DSCAML1: variants seen among roughly 807,000 people sequenced by gnomAD.
DSCAML1 encodes the protein cell adhesion molecule DSCAML1.
A neutral mutation model predicts 200.5 loss-of-function variants in DSCAML1; 38 were observed. The ratio of observed to expected loss-of-function variants is 0.19; its 90% confidence interval spans 0.15 to 0.25. The LOEUF is 0.25. Ranked by LOEUF, DSCAML1 falls within the 10% of genes least tolerant of loss-of-function variation. DSCAML1 has a pLI of 1.00. For synonymous variants in DSCAML1, 1,215 were observed against 1,165.0 expected (o/e 1.04, Z -0.87); for missense variants, 2,223 against 2,858.8 (o/e 0.78, Z 5.07).
At chr11:117,484,461 A>G (rs1176774557) in intron 11 of DSCAML1, among the ~76,000 whole-genome samples, 1 of 152,230 alleles carries the variant, frequency 6.6e-6, no homozygotes, top group East Asian at 1.9e-4. Flanking sequence ...TCATCAAATA[A>G]TGAAGCAGAT....
chr11:117,618,234 T>G (rs2051853006), intron 3 of DSCAML1, among the ~76,000 whole-genome samples: 1 of 152,244 alleles, frequency 6.6e-6, no homozygotes, highest in Non-Finnish European at 1.5e-5. Context: ...TCCAACATTC[T>G]GCCAGATGGT....
intron 20 of DSCAML1, among the ~76,000 whole-genome samples, chr11:117,448,639 G>GC (rs971267592): frequency 1.2e-5 from 1 of 81,036 alleles, no homozygotes; most frequent in Non-Finnish European, 2.5e-5. Context: ...GTGTGTGTGT[G>GC]GGGGGTGGGT....
intron 3 of DSCAML1, among the ~76,000 whole-genome samples, chr11:117,733,172 C>T (rs2054255570): frequency 6.6e-6 from 1 of 152,014 alleles, no homozygotes; most frequent in South Asian, 2.1e-4. Flanking sequence ...GGGTTGGTGG[C>T]CCTGCACATC....
chr11:117,431,635 G>A lies in DSCAML1; in HGVS notation c.5273C>T (p.Pro1758Leu), dbSNP rs772534456. 3 of 1,613,516 alleles carry A rather than the reference G, an allele frequency of 1.9e-6. No individual in the cohort carries two copies. The highest frequency in any genetic ancestry group is 1.7e-4 in the Middle Eastern group (1 of 6,050). Residue 1758 changes from proline (P) to leucine (L), a missense_variant, in exon 31 of 33, where the codon CCT becomes CTT. By Grantham distance (98) the Pro-to-Leu change is moderately conservative. Transcript: ENST00000651296. ...WTLTKCQASTPARTLTSDWRT... is the reference protein window; with the variant it reads ...WTLTKCQASTLARTLTSDWRT... ...CCAGTCGGAGGTGAGGGTGCGGGCA[G>A]GTGTGGAGGCCTGGCACTTGGTCAG... is the stretch of plus-strand genomic sequence containing the variant.
chr11:117,532,650 G>T, intron 3 of DSCAML1, 128 bp from the exon 4 acceptor site: 1 of 955,988 alleles, frequency 1.0e-6, no homozygotes, highest in Non-Finnish European at 1.5e-6. Flanking sequence ...GGTAGTAATT[G>T]TTCCTTTCAG....
chr11:117,539,919 A>C (rs916777046), intron 3 of DSCAML1, among the ~76,000 whole-genome samples: 1 of 152,270 alleles, frequency 6.6e-6, no homozygotes, highest in African/African-American at 2.4e-5. Flanking sequence ...TGATATATAC[A>C]TACAATGGAA....
Position 117,480,089 on chromosome 11 carries a change from C to T in DSCAML1, c.2785+354G>A, listed in dbSNP as rs1407162826. ...GACCAGGAGCACCCATATGACCTGGCCAAACCCGTGATGCTTCTGATGCCA... is the reference window on the plus strand; with the variant it reads ...GACCAGGAGCACCCATATGACCTGGTCAAACCCGTGATGCTTCTGATGCCA... On this transcript the variant is annotated intron_variant, in intron 14 of 32. Coordinates refer to ENST00000651296, the MANE Select transcript of DSCAML1 (RefSeq NM_020693.4). This position sits in a 1 kb window ranked among gnomAD's most constrained non-coding sequence, Gnocchi z 4.1. 6.6e-6 allele frequency among the ~76,000 whole-genome samples: 1 copy of T among 152,210 alleles called. No homozygotes were observed. The highest frequency in any genetic ancestry group is 1.5e-5 in the Non-Finnish European group (1 of 68,036).
At chr11:117,512,080 G>A (rs1002620752) in intron 8 of DSCAML1, among the ~76,000 whole-genome samples, 7 of 152,192 alleles carry the variant, frequency 4.6e-5, no homozygotes, top group Admixed American at 3.3e-4. Flanking sequence ...GCCCCACCCT[G>A]CCCACTGACC....
chr11:117,645,074 C>T (rs1591357548), intron 3 of DSCAML1, among the ~76,000 whole-genome samples: 1 of 152,234 alleles, frequency 6.6e-6, no homozygotes, highest in South Asian at 2.1e-4. Flanking sequence ...TGCAGGAACA[C>T]GGCTTGAGAG....
intron 3 of DSCAML1, among the ~76,000 whole-genome samples, chr11:117,676,912 C>T (rs556976178): frequency 1.4e-4 from 21 of 152,260 alleles, no homozygotes; most frequent in Admixed American, 3.3e-4. Context: ...GGCCGAGCCA[C>T]GAGAAGGCTA....
intron 3 of DSCAML1, among the ~76,000 whole-genome samples, chr11:117,578,653 G>C (rs1029470599): frequency 6.6e-6 from 1 of 152,124 alleles, no homozygotes; most frequent in Admixed American, 6.5e-5. Flanking sequence ...CTGGGAAACA[G>C]AGCAAGATGT....
chr11:117,574,910 G>A (rs1227018451), intron 3 of DSCAML1, among the ~76,000 whole-genome samples: 1 of 152,224 alleles, frequency 6.6e-6, no homozygotes, highest in African/African-American at 2.4e-5. Flanking sequence ...CAGAAATCCT[G>A]CCGGGTGTGG....
intron 1 of DSCAML1, among the ~76,000 whole-genome samples, chr11:117,791,449 C>T (rs980145644): frequency 6.6e-6 from 1 of 152,268 alleles, no homozygotes; most frequent in East Asian, 1.9e-4. Flanking sequence ...AGTTCTTACT[C>T]TGGCCAACCG....
chr11:117,505,979 CT>C lies in DSCAML1; in HGVS notation c.1784-248del, dbSNP rs2049489153. Among the ~76,000 whole-genome samples, 1 of 152,220 alleles carries C rather than the reference CT, an allele frequency of 6.6e-6. No homozygotes were observed. The highest frequency in any genetic ancestry group is 2.1e-4 in the South Asian group (1 of 4,832). On this transcript the variant is annotated intron_variant, in intron 8 of 32. Coordinates refer to ENST00000651296, the MANE Select transcript of DSCAML1 (RefSeq NM_020693.4). This position sits in a 1 kb window ranked among gnomAD's most constrained non-coding sequence, Gnocchi z 6.7. ...TTGACTGGCCTGGATTAACTCTGACCTTTTGATGTGTCCTGGAATTTGATTC... is the reference window on the plus strand; with the variant it reads ...TTGACTGGCCTGGATTAACTCTGACCTTTGATGTGTCCTGGAATTTGATTC...
chr11:117,582,425 C>T lies in DSCAML1; in HGVS notation c.512-49903G>A, dbSNP rs556236626. Reference sequence around the variant, plus strand: ...TTGGCTGGTTGAGAGAGGGATAAGCCGGTTCCTCCAGCCCACATGGTCCTC... The same window carrying T: ...TTGGCTGGTTGAGAGAGGGATAAGCTGGTTCCTCCAGCCCACATGGTCCTC... On this transcript the variant is annotated intron_variant, in intron 3 of 32. Coordinates refer to ENST00000651296, the MANE Select transcript of DSCAML1 (RefSeq NM_020693.4). 5.3e-5 allele frequency among the ~76,000 whole-genome samples: 8 copies of T among 152,320 alleles called. No individual in the cohort carries two copies. In the East Asian group the frequency reaches 9.6e-4, roughly 18 times the overall value.
chr11:117,488,540 G>GACACAC (rs34469901), intron 11 of DSCAML1, among the ~76,000 whole-genome samples: 32 of 151,080 alleles, frequency 2.1e-4, no homozygotes, highest in African/African-American at 3.2e-4. Flanking sequence ...CACAGACACA[G>GACACAC]ACACACACAC....
At chr11:117,746,410 AG>A (rs1381339179) in intron 3 of DSCAML1, among the ~76,000 whole-genome samples, 2 of 152,028 alleles carry the variant, frequency 1.3e-5, no homozygotes, top group Non-Finnish European at 2.9e-5. Flanking sequence ...AGTGTGGTTG[AG>A]GTGCAGTGCC....
chr11:117,542,332 A>ACAC (rs1565777288), intron 3 of DSCAML1, among the ~76,000 whole-genome samples: 5 of 132,188 alleles, frequency 3.8e-5, no homozygotes, highest in African/African-American at 1.5e-4. Flanking sequence ...CAAAACACAA[A>ACAC]AACAACAACA....
At chr11:117,627,598 C>T (rs1377021233) in intron 3 of DSCAML1, among the ~76,000 whole-genome samples, 4 of 152,136 alleles carry the variant, frequency 2.6e-5, no homozygotes, top group African/African-American at 4.8e-5. Flanking sequence ...GTCTGCTGCC[C>T]GTGGCTTGGT....
Sources: gnomAD v4.1 joint callset for allele counts (sites outside exome capture counted in the v4.1 genomes callset) on GRCh38, gnomAD v4.1.1 for gene constraint, Gnocchi (gnomAD v3.1) non-coding constraint, MANE v1.5 for transcripts, NCBI Gene and HGNC (gene_info 2026-07-23, HGNC 2026-07-21) for gene names.